ESPNL: variants seen among roughly 807,000 people sequenced by gnomAD.
ESPNL encodes the protein espin like.
Under a neutral mutation model 46.8 loss-of-function variants are expected in ESPNL, and 49 were observed. The observed-to-expected ratio is 1.05, with a 90% confidence interval of 0.83 to 1.33. The LOEUF (loss-of-function observed/expected upper bound fraction) is 1.33. ESPNL is among the 40% of genes most tolerant of loss of function. The probability of loss-of-function intolerance (pLI) is 0.00; values close to 1 mark genes in which losing one functional copy is unlikely to be tolerated. For missense variants in ESPNL, 1,540 were observed against 1,436.6 expected, an observed-to-expected ratio of 1.07 and a Z score of -1.16; for synonymous variants, 664 against 662.1, an observed-to-expected ratio of 1.00 and a Z score of -0.04.
intron 5 of ESPNL, among the ~76,000 whole-genome samples, chr2:238,117,732 C>G (rs76815463): frequency 0.018 from 2,691 of 152,284 alleles, 55 homozygotes; most frequent in East Asian, 0.084. Context: ...GCTGAATGAA[C>G]TAATGAGCAA....
In ESPNL at chr2:238,100,545, C is replaced by A; in HGVS notation, c.126C>A (p.His42Gln). The A allele has an allele frequency of 6.3e-7, 1 of 1,592,592 alleles. No individual in the cohort carries two copies. Reference protein sequence around the residue: ...TDALGAGLVHHATRAGHLDCV... With the variant: ...TDALGAGLVHQATRAGHLDCV... ...CTCTGGGGGCCGGCCTGGTTCACCA[C>A]GCCACCCGGGCTGGCCACCTGGACT... The change falls in exon 1 of 9, where the codon CAC becomes CAA. Residue 42 changes from histidine (H) to glutamine (Q), a missense_variant. Physicochemically the swap from His to Gln is conservative, Grantham distance 24. Coordinates refer to ENST00000343063, the MANE Select transcript of ESPNL (RefSeq NM_194312.4).
At position 238,114,516 on chromosome 2, in the gene ESPNL, C is replaced by T. The variant is rs972255657; in HGVS notation, c.856-2387C>T. 5.5e-4 allele frequency among the ~76,000 whole-genome samples: 83 copies of T among 152,262 alleles called. No individual in the cohort carries two copies. Among genetic ancestry groups the T allele is most frequent in the African/African-American group, 1.9e-3 (79 of 41,552 alleles). ...GCCTCTCTCCAGCGACTGGCTTCAG[C>T]GACCTGCCCCAGCCTCCCCAGCCCC... On this transcript the variant is annotated intron_variant, in intron 4 of 8. Coordinates refer to ENST00000343063, the MANE Select transcript of ESPNL (RefSeq NM_194312.4). This position sits in a 1 kb window ranked among gnomAD's most constrained non-coding sequence, Gnocchi z 5.0.
chr2:238,105,520 A>G (rs1275435195), intron 3 of ESPNL, among the ~76,000 whole-genome samples: 27 of 151,802 alleles, frequency 1.8e-4, no homozygotes, highest in Admixed American at 1.7e-3. Context: ...CTCAAAAAAA[A>G]AAAAAAAAAA....
chr2:238,116,808 G>A, intron 4 of ESPNL, 95 bp from the exon 5 acceptor site: 3 of 1,476,986 alleles, frequency 2.0e-6, no homozygotes, highest in East Asian at 2.3e-5. Flanking sequence ...AGGGCAGCCT[G>A]CGCCATGGGG....
chr2:238,120,320 C>T (rs1319531771), intron 5 of ESPNL, among the ~76,000 whole-genome samples: 5 of 152,130 alleles, frequency 3.3e-5, no homozygotes, highest in African/African-American at 9.7e-5. Context: ...GGATGGCAGC[C>T]GAGATTAGCA....
intron 5 of ESPNL, among the ~76,000 whole-genome samples, chr2:238,122,470 C>T (rs528267772): frequency 1.9e-3 from 292 of 152,274 alleles, no homozygotes; most frequent in African/African-American, 6.8e-3. Flanking sequence ...GGTGGCGTCC[C>T]GGGCTTCTCG....
At position 238,133,041 on chromosome 2, in the gene ESPNL, G is replaced by A. The variant is rs1025989540; in HGVS notation, c.*1309G>A. The A allele has an allele frequency of 6.6e-6, 1 of 152,186 alleles. No individual in the cohort carries two copies. Among genetic ancestry groups the A allele is most frequent in the African/African-American group, 2.4e-5 (1 of 41,416 alleles). The allele number at this position is 152,186 out of a possible 1,614,324, so 9.4% of individuals were successfully genotyped here. A position where few individuals can be genotyped will look rare whatever the true frequency, so the allele number is the denominator to read the frequency against. On this transcript the variant is annotated 3_prime_UTR_variant, in exon 9 of 9. Coordinates refer to ENST00000343063, the MANE Select transcript of ESPNL (RefSeq NM_194312.4). Reference sequence around the variant, plus strand: ...TGTTGGATGGAACAGAGAGACCCTCGCAGCTGACTAGGGCCCAAGGGGACG... The same window carrying A: ...TGTTGGATGGAACAGAGAGACCCTCACAGCTGACTAGGGCCCAAGGGGACG...
At chr2:238,115,221 C>G (rs1559262161) in intron 4 of ESPNL, among the ~76,000 whole-genome samples, 1 of 152,190 alleles carries the variant, frequency 6.6e-6, no homozygotes, top group Non-Finnish European at 1.5e-5. Flanking sequence ...CCTCCTCAGG[C>G]TGTGGCCACC....
chr2:238,123,260 G>A (rs1023026130), intron 5 of ESPNL, among the ~76,000 whole-genome samples: 2 of 152,220 alleles, frequency 1.3e-5, no homozygotes, highest in Non-Finnish European at 2.9e-5. Flanking sequence ...TCTTTCCCTA[G>A]AGGCTGACCT....
At chr2:238,119,224 A>AGGAGGGTGGAT (rs1559263815) in intron 5 of ESPNL, among the ~76,000 whole-genome samples, 8,002 of 102,374 alleles carry the variant, frequency 0.078, 588 homozygotes, top group Non-Finnish European at 0.11. Context: ...GGAGGGTGGA[A>AGGAGGGTGGAT]GGAAGAGGGT....
At chr2:238,123,087 G>T (rs1253474471) in intron 5 of ESPNL, among the ~76,000 whole-genome samples, 1 of 152,216 alleles carries the variant, frequency 6.6e-6, no homozygotes, top group Non-Finnish European at 1.5e-5. Flanking sequence ...GGTCCCGATG[G>T]CAGCTGTGCC....
In ESPNL at chr2:238,126,310, CTG is replaced by C. The variant is rs535323767; in HGVS notation, c.1102+933_1102+934del. 1.9e-3 allele frequency among the ~76,000 whole-genome samples: 285 copies of C among 147,996 alleles called. 1 individual carries two copies. Among genetic ancestry groups the C allele is most frequent in the African/African-American group, 6.7e-3 (267 of 39,792 alleles). On this transcript the variant is annotated intron_variant, in intron 6 of 8. Coordinates refer to ENST00000343063, the MANE Select transcript of ESPNL (RefSeq NM_194312.4). ...TGTGTTTCTGTGCATGATTGTGTAT[CTG>C]TGTGTGATTGTGTCTGTGTGTCTGT...
At position 238,114,812 on chromosome 2, in the gene ESPNL, G is replaced by T. The variant is rs1691780374; in HGVS notation, c.856-2091G>T. Reference sequence around the variant, plus strand: ...TAAAATGTCAGTGCCCACAAATAAAGCCTTGTGGGCACCCGGCCACGCTAT... The same window carrying T: ...TAAAATGTCAGTGCCCACAAATAAATCCTTGTGGGCACCCGGCCACGCTAT... On this transcript the variant is annotated intron_variant, in intron 4 of 8. Transcript: ENST00000343063. This position sits in a 1 kb window ranked among gnomAD's most constrained non-coding sequence, Gnocchi z 5.0. Among the ~76,000 whole-genome samples, 1 of 152,206 alleles carries T rather than the reference G, an allele frequency of 6.6e-6. No homozygotes were observed. Among genetic ancestry groups the T allele is most frequent in the Non-Finnish European group, 1.5e-5 (1 of 68,034 alleles).
At chr2:238,105,867 G>T (rs1691585726) in intron 3 of ESPNL, among the ~76,000 whole-genome samples, 1 of 151,978 alleles carries the variant, frequency 6.6e-6, no homozygotes, top group Admixed American at 6.5e-5. Flanking sequence ...CTTGCCTGGG[G>T]CCTCCTGTCT....
intron 2 of ESPNL, among the ~76,000 whole-genome samples, chr2:238,103,450 A>C (rs1038823545): frequency 6.6e-5 from 10 of 151,722 alleles, no homozygotes; most frequent in African/African-American, 1.9e-4. Flanking sequence ...GAAAACCAGG[A>C]GGCTTCATGT....
chr2:238,115,382 T>C (rs935858831), intron 4 of ESPNL, among the ~76,000 whole-genome samples: 68 of 152,158 alleles, frequency 4.5e-4, no homozygotes, highest in African/African-American at 1.5e-3. Context: ...GGGAGGCTGG[T>C]GGTGCCGACC....
At chr2:238,107,735 C>G in intron 3 of ESPNL, 56 bp from the exon 4 acceptor site, 1 of 1,488,944 alleles carries the variant, frequency 6.7e-7, no homozygotes, top group Non-Finnish European at 9.0e-7. Flanking sequence ...GCCCCTCCCA[C>G]TCTGTGTGCC....
At chr2:238,121,643 C>T (rs1373414764) in intron 5 of ESPNL, among the ~76,000 whole-genome samples, 2 of 152,140 alleles carry the variant, frequency 1.3e-5, no homozygotes, top group African/African-American at 2.4e-5. Context: ...AGTGATCCTC[C>T]CGCCTCTGCC....
In ESPNL at chr2:238,127,729, C is replaced by G; in HGVS notation, c.1210C>G (p.Pro404Ala). The change falls in exon 7 of 9, where the codon CCC becomes GCC. Residue 404 changes from proline (P) to alanine (A), a missense_variant. Physicochemically the swap from Pro to Ala is conservative, Grantham distance 27. Transcript: ENST00000343063. ...PRIITSATAD[P>A]EGTETALAGD... ...GATCATCACCAGTGCCACGGCTGAC[C>G]CCGAGGTTCGTCCTCCACCCCTGCA... The G allele has an allele frequency of 6.2e-7, 1 of 1,607,488 alleles. No individual in the cohort carries two copies. The highest frequency in any genetic ancestry group is 1.1e-5 in the South Asian group (1 of 89,588).
Sources: allele counts gnomAD v4.1 joint callset (sites outside exome capture counted in the v4.1 genomes callset), GRCh38; gene constraint gnomAD v4.1.1; non-coding constraint Gnocchi (gnomAD v3.1); transcripts MANE v1.5; gene names NCBI Gene and HGNC (gene_info 2026-07-23, HGNC 2026-07-21).